Variants in ABCA13 observed in about 807,000 individuals in gnomAD.
ABCA13 encodes ATP binding cassette subfamily A member 13, also known as ATP-binding cassette sub-family A member 13.
A neutral mutation model predicts 478.7 loss-of-function variants in ABCA13; 476 were observed. That is an observed-to-expected ratio of 0.99 (90% confidence interval 0.92 to 1.07). ABCA13 has a LOEUF of 1.07. Ranked by LOEUF, ABCA13 falls within the 50% of genes least tolerant of loss-of-function variation. The probability of loss-of-function intolerance (pLI) is 0.00; values close to 1 mark genes in which losing one functional copy is unlikely to be tolerated. For synonymous variants in ABCA13, 2,252 were observed against 2,158.9 expected (o/e 1.04, Z -1.20); for missense variants, 6,060 against 5,910.6 (o/e 1.03, Z -0.83).
At chr7:48,269,138 A>G (rs528838788) in intron 16 of ABCA13, 44 bp downstream of exon 16, 1 of 1,099,312 alleles carries the variant, frequency 9.1e-7, no homozygotes, top group African/African-American at 1.6e-5. Context: ...TTTAATTATC[A>G]TCTGAAGATA....
At chr7:48,608,877 A>C (rs750202214) in intron 58 of ABCA13, among the ~76,000 whole-genome samples, 4 of 152,248 alleles carry the variant, frequency 2.6e-5, no homozygotes, top group Non-Finnish European at 5.9e-5. Context: ...GTCCAGATTC[A>C]TCATTGCTTT....
intron 1 of ABCA13, among the ~76,000 whole-genome samples, chr7:48,192,225 A>G (rs1306916656): frequency 6.6e-6 from 1 of 151,950 alleles, no homozygotes; most frequent in African/African-American, 2.4e-5. Context: ...TCCATGTGTG[A>G]AATGATTAAA....
In ABCA13 at chr7:48,295,936, A is replaced by G. The variant is rs188061101; in HGVS notation, c.9119+73A>G. ...GAGAGGATGTCTAGGACTCTTTAAAATGTGAATTTCAGACAGTGGTCTGTA... is the reference window on the plus strand; with the variant it reads ...GAGAGGATGTCTAGGACTCTTTAAAGTGTGAATTTCAGACAGTGGTCTGTA... On this transcript the variant is annotated intron_variant, in intron 21 of 61. Transcript: ENST00000435803. 904 of 1,488,120 alleles carry G rather than the reference A, an allele frequency of 6.1e-4. 10 individuals are homozygous for G. In the East Asian group the frequency reaches 0.02, roughly 33 times the overall value. The allele number at this position is 1,488,120 out of a possible 1,614,324, so 92.2% of individuals were successfully genotyped here. A position where few individuals can be genotyped will look rare whatever the true frequency, so the allele number is the denominator to read the frequency against.
intron 48 of ABCA13, among the ~76,000 whole-genome samples, chr7:48,504,472 G>A (rs1301319423): frequency 6.6e-6 from 1 of 152,126 alleles, no homozygotes; most frequent in Non-Finnish European, 1.5e-5. Context: ...GAAGAGCAGG[G>A]AGATGGGGAG....
Position 48,271,851 on chromosome 7 carries a change from C to A in ABCA13, c.2185C>A (p.Gln729Lys), listed in dbSNP as rs984734780. 5.7e-6 allele frequency: 9 copies of A among 1,591,096 alleles called. No homozygotes were observed. The South Asian group carries it at 9.1e-5, about 16-fold the overall frequency. Residue 729 changes from glutamine to lysine, a missense_variant, in exon 17 of 62, where the codon CAA (glutamine) becomes AAA (lysine). By Grantham distance (53) the Gln-to-Lys change is moderately conservative (BLOSUM62 1). Around this residue, in one of 3 missense-constraint regions of ABCA13, gnomAD observed 4,423 missense variants for 4,309.1 expected, o/e 1.03. Coordinates refer to ENST00000435803, the MANE Select transcript of ABCA13 (RefSeq NM_152701.5). ...EKKLHTLEDE[Q>K]MNFLLSFVEF... The stretch of plus-strand genomic sequence containing the variant: ...GAAGTTGCACACCCTTGAGGATGAA[C>A]AAATGAACTTTCTTTTATCATTTGT...
chr7:48,575,369 G>A (rs1376982351), intron 55 of ABCA13, among the ~76,000 whole-genome samples: 1 of 152,134 alleles, frequency 6.6e-6, no homozygotes, highest in South Asian at 2.1e-4. Context: ...TGACATAAGT[G>A]TGGAAACTTT....
chr7:48,547,187 T>C (rs2141249), intron 55 of ABCA13, among the ~76,000 whole-genome samples: 21,226 of 151,728 alleles, frequency 0.14, 2,042 homozygotes, highest in African/African-American at 0.23. Context: ...TTCATTTCAT[T>C]CAGTTTTTAA....
chr7:48,269,177 CTT>C, intron 16 of ABCA13, 83 bp downstream of exon 16: 1 of 732,732 alleles, frequency 1.4e-6, no homozygotes, highest in Non-Finnish European at 2.3e-6. Context: ...GATATGCACT[CTT>C]TAAAATTTAT....
rs1796056932 is a variant in ABCA13 at position 48,274,645 on chromosome 7, T to G, written c.4979T>G (p.Leu1660Trp). ...SPQNAGYMQA[L>W]KKVTSVMRTL... ...CAAAATGCAGGTTATATGCAAGCTT[T>G]GAAGAAGGTAACTTCTGTCATGCGT... Residue 1660 changes from leucine (L) to tryptophan (W), a missense_variant, in exon 17 of 62, where the codon TTG (leucine) becomes TGG (tryptophan). Leu to Trp is a moderately conservative substitution (Grantham distance 61, BLOSUM62 -2). Around this residue, in one of 3 missense-constraint regions of ABCA13, gnomAD observed 4,423 missense variants for 4,309.1 expected, o/e 1.03. Coordinates refer to ENST00000435803, the MANE Select transcript of ABCA13 (RefSeq NM_152701.5). 1 of 1,613,996 alleles carries G rather than the reference T, an allele frequency of 6.2e-7. No homozygotes were observed. The highest frequency in any genetic ancestry group is 8.5e-7 in the Non-Finnish European group (1 of 1,179,854).
intron 58 of ABCA13, among the ~76,000 whole-genome samples, chr7:48,613,665 T>A (rs1792252468): frequency 6.6e-6 from 1 of 151,144 alleles, no homozygotes. Flanking sequence ...ATTGCAATTA[T>A]TTTAGTTGTA....
intron 54 of ABCA13, among the ~76,000 whole-genome samples, chr7:48,526,544 T>C (rs1241495043): frequency 2.0e-5 from 3 of 152,158 alleles, no homozygotes; most frequent in African/African-American, 7.2e-5. Flanking sequence ...CTGAGAAATG[T>C]GTCATTAGGT....
At chr7:48,238,485 T>G (rs1473824457) in intron 8 of ABCA13, among the ~76,000 whole-genome samples, 1 of 152,060 alleles carries the variant, frequency 6.6e-6, no homozygotes, top group Non-Finnish European at 1.5e-5. Context: ...TTTTTTTTCT[T>G]TAAGACAGAG....
intron 20 of ABCA13, among the ~76,000 whole-genome samples, chr7:48,289,285 T>G (rs1297237025): frequency 6.6e-6 from 1 of 151,952 alleles, no homozygotes; most frequent in Admixed American, 6.6e-5. Context: ...AACATCAAAT[T>G]CTTATTTCCA....
intron 48 of ABCA13, among the ~76,000 whole-genome samples, chr7:48,503,056 T>A (rs951418300): frequency 1.3e-5 from 2 of 152,188 alleles, no homozygotes; most frequent in Non-Finnish European, 2.9e-5. Context: ...ACATTAGGTC[T>A]CCAGAACTTA....
chr7:48,185,728 T>A (rs1161647881), intron 1 of ABCA13, among the ~76,000 whole-genome samples: 2 of 152,156 alleles, frequency 1.3e-5, no homozygotes, highest in Admixed American at 1.3e-4. Flanking sequence ...AAAAACACTT[T>A]TTTTGATTAA....
intron 48 of ABCA13, among the ~76,000 whole-genome samples, chr7:48,496,675 A>G (rs977904632): frequency 2.6e-5 from 4 of 151,840 alleles, no homozygotes; most frequent in African/African-American, 9.7e-5. Context: ...TCTTTATTTC[A>G]CCTTGATTCT....
intron 27 of ABCA13, among the ~76,000 whole-genome samples, chr7:48,331,480 T>C (rs1805391717): frequency 6.6e-6 from 1 of 152,238 alleles, no homozygotes; most frequent in Non-Finnish European, 1.5e-5. Flanking sequence ...ATTGCTGTTT[T>C]TATTTATTTT....
intron 15 of ABCA13, among the ~76,000 whole-genome samples, chr7:48,265,237 C>A (rs904332387): frequency 3.3e-5 from 5 of 151,040 alleles, no homozygotes; most frequent in African/African-American, 1.2e-4. Context: ...TAATTTTGTT[C>A]TTTTTTTTAA....
intron 1 of ABCA13, among the ~76,000 whole-genome samples, chr7:48,191,466 C>T (rs556357818): frequency 6.6e-6 from 1 of 152,300 alleles, no homozygotes; most frequent in South Asian, 2.1e-4. Context: ...CAGTGTGGTG[C>T]AGTCTCGACT....
Sources: gnomAD v4.1 joint callset for allele counts (sites outside exome capture counted in the v4.1 genomes callset) on GRCh38, gnomAD v4.1.1 for gene constraint, gnomAD v4.1.1 regional missense constraint, MANE v1.5 for transcripts, NCBI Gene and HGNC (gene_info 2026-07-23, HGNC 2026-07-21) for gene names.